The following DNAH11 variants were observed in gnomAD, a reference collection of about 807,000 sequenced individuals.
DNAH11 encodes the protein dynein axonemal heavy chain 11.
Under a neutral mutation model 526.0 loss-of-function variants are expected in DNAH11, and 442 were observed. That is an observed-to-expected ratio of 0.84 (90% CI 0.78 to 0.91). The LOEUF is 0.91. DNAH11 is among the 40% of genes least tolerant of loss of function. The pLI, the probability that DNAH11 is intolerant of heterozygous loss-of-function variation, is 0.00. For missense variants in DNAH11, 6,989 were observed against 5,448.7 expected (o/e 1.28, Z -8.90); for synonymous variants, 2,461 against 1,935.9 (o/e 1.27, Z -7.12).
At chr7:21,617,884 G>A in intron 23 of DNAH11, 107 bp downstream of exon 23, 1 of 1,193,198 alleles carries the variant, frequency 8.4e-7, no homozygotes. Context: ...ACCCCCCTCA[G>A]CATAGCCTCT....
chr7:21,634,425 A>C (rs6944349), intron 25 of DNAH11, among the ~76,000 whole-genome samples: 10,166 of 152,282 alleles, frequency 0.067, 1,138 homozygotes, highest in African/African-American at 0.23. Flanking sequence ...GTAATGTCAT[A>C]GAGAAGTCAA....
At position 21,859,104 on chromosome 7, in the gene DNAH11, AT is replaced by A. The variant is rs531281371; in HGVS notation, c.11203-2739del. Among the ~76,000 whole-genome samples, 86 of 150,478 alleles carry A rather than the reference AT, an allele frequency of 5.7e-4. 1 individual carries two copies. The highest frequency in any genetic ancestry group is 1.7e-3 in the African/African-American group (68 of 41,006). ...TAAGGTGTCTATGAAACATACATGA[AT>A]TTTTTTTTTCATTTTGTTTTGTTTT... On this transcript the variant is annotated intron_variant, in intron 68 of 81. Coordinates refer to ENST00000409508, the MANE Select transcript of DNAH11 (RefSeq NM_001277115.2).
intron 62 of DNAH11, among the ~76,000 whole-genome samples, chr7:21,806,004 G>A (rs76017490): frequency 0.02 from 2,978 of 152,230 alleles, 99 homozygotes; most frequent in African/African-American, 0.068. Context: ...CTGAGCAGCT[G>A]TTCAAAATTA....
Position 21,739,555 on chromosome 7 carries a change from G to A in DNAH11, c.7812-16G>A, listed in dbSNP as rs772861309. On this transcript the variant is annotated splice_polypyrimidine_tract_variant and intron_variant, in intron 47 of 81. Coordinates refer to ENST00000409508, the MANE Select transcript of DNAH11 (RefSeq NM_001277115.2). ...CTCCAGTTTTTGGATTTAAGGTTCT[G>A]TTTTCTGTCTTTCAGGTATGATAGA... 1.2e-6 allele frequency: 2 copies of A among 1,603,996 alleles called. No homozygotes were observed. The highest frequency in any genetic ancestry group is 1.7e-6 in the Non-Finnish European group (2 of 1,175,158).
chr7:21,812,584 T>C (rs967066900), intron 63 of DNAH11, among the ~76,000 whole-genome samples: 1 of 151,250 alleles, frequency 6.6e-6, no homozygotes, highest in Admixed American at 6.6e-5. Flanking sequence ...AGCTCAGGAG[T>C]TAGAGGTTAC....
chr7:21,800,348 T>G (rs879337420), intron 61 of DNAH11, among the ~76,000 whole-genome samples: 3 of 152,128 alleles, frequency 2.0e-5, no homozygotes, highest in Non-Finnish European at 4.4e-5. Context: ...GAGAAAAATA[T>G]GGGTCAGGCA....
intron 37 of DNAH11, among the ~76,000 whole-genome samples, chr7:21,703,973 A>C (rs1028203403): frequency 6.6e-6 from 1 of 152,174 alleles, no homozygotes; most frequent in African/African-American, 2.4e-5. Flanking sequence ...AGTTATCCTG[A>C]CGTTTGAGTT....
intron 26 of DNAH11, among the ~76,000 whole-genome samples, chr7:21,637,313 C>T (rs1214846649): frequency 6.6e-6 from 1 of 151,914 alleles, no homozygotes; most frequent in African/African-American, 2.4e-5. Flanking sequence ...TTCCTTGTCT[C>T]CTTTTGCCTT....
Position 21,715,107 on chromosome 7 carries a change from T to G in DNAH11, c.6984-2668T>G, listed in dbSNP as rs57767622. ...TTGGTATACACTGCTAGTCAGCATGTACTGCTAACGTCTGCCATTTTTCCA... is the reference window on the plus strand; with the variant it reads ...TTGGTATACACTGCTAGTCAGCATGGACTGCTAACGTCTGCCATTTTTCCA... On this transcript the variant is annotated intron_variant, in intron 42 of 81. Coordinates refer to ENST00000409508, the MANE Select transcript of DNAH11 (RefSeq NM_001277115.2). Among the ~76,000 whole-genome samples, 1,367 of 152,342 alleles carry G rather than the reference T, an allele frequency of 9.0e-3. 118 individuals are homozygous for G. In the East Asian group the frequency reaches 0.21, roughly 23 times the overall value.
rs529470053 is a variant in DNAH11, at chr7:21,782,133, C to A, written c.9484-2294C>A. 2.0e-5 allele frequency among the ~76,000 whole-genome samples: 3 copies of A among 152,308 alleles called. No individual in the cohort carries two copies. In the South Asian group the frequency reaches 6.2e-4, roughly 32 times the overall value. On this transcript the variant is annotated intron_variant, in intron 57 of 81. Transcript: ENST00000409508. ...TCATAACAAGCAGTTATTGGGACTT[C>A]ATTCTCTTTATTCTCTCCCTGTGAT...
intron 25 of DNAH11, among the ~76,000 whole-genome samples, chr7:21,630,173 A>G (rs1786535550): frequency 6.6e-6 from 1 of 152,118 alleles, no homozygotes; most frequent in South Asian, 2.1e-4. Context: ...CAAAGAAAAA[A>G]AAACCCAAAG....
intron 66 of DNAH11, among the ~76,000 whole-genome samples, chr7:21,849,088 T>C (rs1437523760): frequency 2.6e-5 from 4 of 152,218 alleles, no homozygotes; most frequent in Non-Finnish European, 5.9e-5. Flanking sequence ...TTTCGCCATG[T>C]TGGTCAGGCT....
intron 46 of DNAH11, 130 bp from the exon 47 acceptor site, chr7:21,738,571 C>G (rs1233182281): frequency 1.8e-5 from 16 of 876,698 alleles, no homozygotes; most frequent in Non-Finnish European, 2.6e-5. Context: ...GTCTCTTAAC[C>G]TATGAAGGGG....
intron 58 of DNAH11, among the ~76,000 whole-genome samples, chr7:21,785,893 T>C (rs1269106914): frequency 6.6e-6 from 1 of 152,250 alleles, no homozygotes; most frequent in Non-Finnish European, 1.5e-5. Flanking sequence ...GAGTGTATTA[T>C]GTAGCACATA....
intron 51 of DNAH11, among the ~76,000 whole-genome samples, chr7:21,746,654 A>T (rs1002067270): frequency 3.3e-5 from 5 of 152,190 alleles, no homozygotes; most frequent in Admixed American, 3.3e-4. Context: ...TAAGATGTGG[A>T]GAATTCAGTT....
Position 21,600,743 on chromosome 7 carries a change from T to C in DNAH11, c.3068T>C (p.Val1023Ala), listed in dbSNP as rs10269582. Residue 1023 changes from valine to alanine, a missense_variant, in exon 16 of 82, where the codon GTC becomes GCC. Physicochemically the swap from Val to Ala is moderately conservative, Grantham distance 64. Transcript: ENST00000409508. ...RQEIMNRVVN[V>A]INKVLDFRNT... is the part of the protein sequence containing the mutation. ...GAGATCATGAACAGAGTGGTGAATG[T>C]CATCAACAAAGTCTTAGATTTCAGA... 643,908 of 1,613,428 alleles carry C rather than the reference T, an allele frequency of 0.4. 136,336 individuals carry two copies. Among genetic ancestry groups the C allele is most frequent in the Non-Finnish European group, 0.44 (518,384 of 1,179,636 alleles).
At chr7:21,670,152 C>T (rs1417147536) in intron 30 of DNAH11, among the ~76,000 whole-genome samples, 1 of 152,008 alleles carries the variant, frequency 6.6e-6, no homozygotes, top group Non-Finnish European at 1.5e-5. Context: ...AATTATGGTT[C>T]TTATAACCCA....
chr7:21,591,466 G>T lies in DNAH11; in HGVS notation c.2556G>T (p.Arg852Ser), dbSNP rs758948379. The T allele has an allele frequency of 1.9e-6, 3 of 1,613,906 alleles. No homozygotes were observed. In the East Asian group the frequency reaches 6.7e-5, roughly 36 times the overall value. The part of the protein sequence containing the change: ...RGWARCVLPP[R>S]REHRREAAFT... Reference sequence around the variant, plus strand: ...GGGCCAGGTGCGTGCTACCTCCCAGGAGAGAGCACAGACGAGAGGCAGCCT... The same window carrying T: ...GGGCCAGGTGCGTGCTACCTCCCAGTAGAGAGCACAGACGAGAGGCAGCCT... Residue 852 changes from arginine (R) to serine (S), a missense_variant, in exon 14 of 82, where the codon AGG becomes AGT. By Grantham distance (110) the Arg-to-Ser change is moderately radical. Transcript: ENST00000409508.
At chr7:21,842,221 C>T (rs148277028) in intron 65 of DNAH11, among the ~76,000 whole-genome samples, 38 of 152,194 alleles carry the variant, frequency 2.5e-4, no homozygotes, top group African/African-American at 7.7e-4. Flanking sequence ...TCGATTACAT[C>T]GAGGACTTAC....
Sources: gnomAD v4.1 joint callset for allele counts (sites outside exome capture counted in the v4.1 genomes callset) on GRCh38, gnomAD v4.1.1 for gene constraint, MANE v1.5 for transcripts, NCBI Gene and HGNC (gene_info 2026-07-23, HGNC 2026-07-21) for gene names.